WNT11: variants seen among roughly 807,000 people sequenced by gnomAD.
The protein encoded by WNT11 is protein Wnt-11.
A neutral mutation model predicts 35.6 loss-of-function variants in WNT11; 20 were observed. The observed-to-expected ratio is 0.56, with a 90% confidence interval of 0.40 to 0.82. WNT11 has a LOEUF of 0.82. WNT11 is among the 40% of genes least tolerant of loss of function. The probability of loss-of-function intolerance (pLI) is 0.00; values close to 1 mark genes in which losing one functional copy is unlikely to be tolerated. For synonymous variants in WNT11, 200 were observed against 211.9 expected, an observed-to-expected ratio of 0.94 and a Z score of 0.49; for missense variants, 459 against 504.4, an observed-to-expected ratio of 0.91 and a Z score of 0.86.
chr11:76,187,354 T>G (rs961904653), intron 4 of WNT11, 115 bp from the exon 5 acceptor site: 12 of 983,582 alleles, frequency 1.2e-5, no homozygotes, highest in Non-Finnish European at 1.4e-5. Flanking sequence ...ACTCAGCCCT[T>G]CTTAGAAGCT....
chr11:76,200,911 C>T (rs1458417194), intron 1 of WNT11, among the ~76,000 whole-genome samples: 2 of 152,252 alleles, frequency 1.3e-5, no homozygotes, highest in Non-Finnish European at 2.9e-5. Context: ...CTGTGTCTTT[C>T]CCTGGGCTCC....
chr11:76,192,422 C>A (rs1285352010), intron 3 of WNT11, among the ~76,000 whole-genome samples: 1 of 152,180 alleles, frequency 6.6e-6, no homozygotes, highest in Non-Finnish European at 1.5e-5. Flanking sequence ...GCAGGGGGCA[C>A]CTCCCCGCCG....
chr11:76,202,424 C>T (rs943525137), intron 1 of WNT11, among the ~76,000 whole-genome samples: 3 of 152,174 alleles, frequency 2.0e-5, no homozygotes, highest in African/African-American at 7.2e-5. Context: ...CCAACCAGAC[C>T]TTTGTCCCTC....
At chr11:76,208,904 C>T (rs1591316353), upstream of WNT11, among the ~76,000 whole-genome samples, 1 of 152,172 alleles carries the variant, frequency 6.6e-6, no homozygotes, top group African/African-American at 2.4e-5. Flanking sequence ...ACGGGGTCAC[C>T]TTCCGCCTGA....
At chr11:76,210,066 A>C (rs1591317297), upstream of WNT11, among the ~76,000 whole-genome samples, 1 of 138,790 alleles carries the variant, frequency 7.2e-6, no homozygotes, top group South Asian at 2.4e-4. Context: ...CACCACACAC[A>C]CCCTCTGTCG....
intron 1 of WNT11, among the ~76,000 whole-genome samples, chr11:76,204,219 A>C (rs1209860498): frequency 2.6e-5 from 4 of 151,618 alleles, no homozygotes; most frequent in Non-Finnish European, 5.9e-5. Context: ...TTATTCTTAA[A>C]CTCCACCCCT....
rs143519279 is a variant in WNT11 at position 76,188,244 on chromosome 11, T to C, written c.891-1005A>G. 3.7e-3 allele frequency among the ~76,000 whole-genome samples: 570 copies of C among 152,306 alleles called. 3 individuals are homozygous for C. The highest frequency in any genetic ancestry group is 0.013 in the African/African-American group (541 of 41,574). The stretch of plus-strand genomic sequence containing the variant: ...GAGGCCTGTAGGGCCCTTGGGTCAG[T>C]GGAATGATTACGTCCATTATGCAGA... On this transcript the variant is annotated intron_variant, in intron 4 of 4. Coordinates refer to ENST00000322563, the MANE Select transcript of WNT11 (RefSeq NM_004626.3).
Position 76,191,641 on chromosome 11 carries a change from C to T in WNT11, c.813G>A (p.Ser271=), listed in dbSNP as rs111832264. The change falls in exon 4 of 5, where the codon TCG becomes TCA. Residue 271 remains serine (S), a synonymous_variant. Transcript: ENST00000322563. ...GTGAGCTCTGCAGATAGACGAGTTC[C>T]GAGTCCTTCACAGGCCGGATATCCA... ...KDLDIRPVKD[S]ELVYLQSSPD... The T allele has an allele frequency of 1.5e-3, 2,479 of 1,614,040 alleles. 36 individuals are homozygous for T. The African/African-American group carries it at 0.029, about 19-fold the overall frequency.
chr11:76,209,461 G>C (rs376957048), upstream of WNT11, among the ~76,000 whole-genome samples: 8 of 152,194 alleles, frequency 5.3e-5, no homozygotes, highest in East Asian at 5.8e-4. Context: ...CACCGGGGCC[G>C]ATTGTCCGCG....
intron 2 of WNT11, 98 bp downstream of exon 2, chr11:76,196,385 C>A: frequency 7.4e-7 from 1 of 1,358,944 alleles, no homozygotes; most frequent in Non-Finnish European, 1.0e-6. Flanking sequence ...ATCATCCACC[C>A]ACCCATGAAC....
chr11:76,210,480 G>A (rs1953552353), upstream of WNT11: 1 of 985,300 alleles, frequency 1.0e-6, no homozygotes, highest in Non-Finnish European at 1.2e-6. Flanking sequence ...ACCTCCCGGG[G>A]CGCTCGCCAG....
intron 4 of WNT11, among the ~76,000 whole-genome samples, chr11:76,191,058 G>C (rs902288164): frequency 6.6e-6 from 1 of 152,158 alleles, no homozygotes; most frequent in African/African-American, 2.4e-5. Context: ...GAGGACACAG[G>C]GGCAGTGTTG....
intron 1 of WNT11, among the ~76,000 whole-genome samples, chr11:76,200,995 G>T (rs1953365800): frequency 6.6e-6 from 1 of 152,336 alleles, no homozygotes; most frequent in East Asian, 1.9e-4. Context: ...GCTTGTGAGT[G>T]CTGGGTGCTG....
At chr11:76,199,085 A>T (rs1409013039) in intron 1 of WNT11, among the ~76,000 whole-genome samples, 1 of 152,178 alleles carries the variant, frequency 6.6e-6, no homozygotes, top group Non-Finnish European at 1.5e-5. Context: ...GTGAGCCGAG[A>T]TTGCACCACT....
In WNT11 at chr11:76,186,434, T is replaced by G. The variant is rs553467367; in HGVS notation, c.*631A>C. 12 of 151,674 alleles carry G rather than the reference T, an allele frequency of 7.9e-5. No homozygotes were observed. The highest frequency in any genetic ancestry group is 1.6e-4 in the Non-Finnish European group (11 of 67,956). 9.4% of individuals were successfully genotyped at this position (151,674 alleles called of 1,614,324 possible). Reference sequence around the variant, plus strand: ...TGGGGCTCACTCAGCATTTATTTCATACAGCTGCTTAAAAAGCTAGTTTTA... The same window carrying G: ...TGGGGCTCACTCAGCATTTATTTCAGACAGCTGCTTAAAAAGCTAGTTTTA... On this transcript the variant is annotated 3_prime_UTR_variant, in exon 5 of 5. Coordinates refer to ENST00000322563, the MANE Select transcript of WNT11 (RefSeq NM_004626.3).
intron 4 of WNT11, among the ~76,000 whole-genome samples, chr11:76,189,201 T>C (rs143808387): frequency 1.8e-4 from 27 of 152,380 alleles, no homozygotes; most frequent in African/African-American, 6.3e-4. Context: ...AGGCTCTGGC[T>C]GAGCACTCTA....
chr11:76,209,506 C>G (rs902097698), upstream of WNT11, among the ~76,000 whole-genome samples: 9 of 152,290 alleles, frequency 5.9e-5, no homozygotes, highest in Non-Finnish European at 8.8e-5. Flanking sequence ...GGTCCCGAAG[C>G]CTCCCGCCAC....
chr11:76,205,846 TC>T (rs1473108302), intron 1 of WNT11, among the ~76,000 whole-genome samples: 1 of 152,148 alleles, frequency 6.6e-6, no homozygotes, highest in Non-Finnish European at 1.5e-5. Flanking sequence ...AGTCTCACCC[TC>T]CCGTGACAGA....
chr11:76,198,705 T>G (rs1179414134), intron 1 of WNT11, among the ~76,000 whole-genome samples: 1 of 152,128 alleles, frequency 6.6e-6, no homozygotes, highest in Non-Finnish European at 1.5e-5. Flanking sequence ...AAGCTACCAA[T>G]CATTATAAAT....
Sources: allele counts gnomAD v4.1 joint callset (sites outside exome capture counted in the v4.1 genomes callset), GRCh38; gene constraint gnomAD v4.1.1; transcripts MANE v1.5; gene names NCBI Gene and HGNC (gene_info 2026-07-23, HGNC 2026-07-21).